PRPF6: variants seen among roughly 807,000 people sequenced by gnomAD.
PRPF6 encodes the protein pre-mRNA processing factor 6.
In PRPF6, 42 loss-of-function variants were observed where a neutral mutation model predicts 118.3. The ratio of observed to expected loss-of-function variants is 0.35; its 90% CI spans 0.28 to 0.46. The LOEUF (loss-of-function observed/expected upper bound fraction) is 0.46. PRPF6 is among the 20% of genes least tolerant of loss of function. The pLI is 1.00. For missense variants in PRPF6, 662 were observed against 1,255.7 expected (o/e 0.53, Z 7.15); for synonymous variants, 481 against 485.1 (o/e 0.99, Z 0.11).
At position 64,010,334 on chromosome 20, in the gene PRPF6, T is replaced by A. The variant is rs751358630; in HGVS notation, c.1305+16T>A. 6.2e-7 allele frequency: 1 copy of A among 1,604,486 alleles called. No individual in the cohort carries two copies. The highest frequency in any genetic ancestry group is 8.5e-7 in the Non-Finnish European group (1 of 1,173,822). On this transcript the variant is annotated intron_variant, in intron 10 of 20. Coordinates refer to ENST00000266079, the MANE Select transcript of PRPF6 (RefSeq NM_012469.4). ...CAGCGTGGAGGTGAGTCTGGCGGGCTCAGGGCCACCAGAGCCCAAAGTGGC... is the reference window on the plus strand; with the variant it reads ...CAGCGTGGAGGTGAGTCTGGCGGGCACAGGGCCACCAGAGCCCAAAGTGGC...
chr20:64,008,409 T>C lies in PRPF6; in HGVS notation c.1187-1791T>C, dbSNP rs144264947. Among the ~76,000 whole-genome samples, 1,015 of 152,032 alleles carry C rather than the reference T, an allele frequency of 6.7e-3. 9 individuals carry two copies. The highest frequency in any genetic ancestry group is 0.023 in the African/African-American group (953 of 41,472). On this transcript the variant is annotated intron_variant, in intron 9 of 20. Coordinates refer to ENST00000266079, the MANE Select transcript of PRPF6 (RefSeq NM_012469.4). ...AGGTAGATTTGGAGACTCATAAGAG[T>C]AAGCTTTGTGTTTTTTTTTTCTTTT...
rs570999321 is a variant in PRPF6, at chr20:64,006,940, G to T, written c.1187-3260G>T. ...GGTCAAGTGGACATCCAGATAATAA[G>T]GCCAGGGGTGTCAGTGCCAGTGTGC... On this transcript the variant is annotated intron_variant, in intron 9 of 20. Transcript: ENST00000266079. Among the ~76,000 whole-genome samples the T allele has an allele frequency of 2.2e-4, 33 of 152,324 alleles. 1 individual carries two copies. The Middle Eastern group carries it at 0.01, about 47-fold the overall frequency.
chr20:64,015,985 C>T (rs2059235688), intron 11 of PRPF6, among the ~76,000 whole-genome samples: 1 of 152,088 alleles, frequency 6.6e-6, no homozygotes, highest in Non-Finnish European at 1.5e-5. Flanking sequence ...TACCATTGAG[C>T]ATGGTGGTGC....
At chr20:64,015,206 G>C (rs979659906) in intron 11 of PRPF6, among the ~76,000 whole-genome samples, 2 of 152,234 alleles carry the variant, frequency 1.3e-5, no homozygotes, top group Non-Finnish European at 2.9e-5. Flanking sequence ...TGGTTCAAAA[G>C]CAGTTTGCAT....
rs184138593 is a variant in PRPF6, at chr20:64,026,377, G to A, written c.2028+319G>A. Among the ~76,000 whole-genome samples, 705 of 152,222 alleles carry A rather than the reference G, an allele frequency of 4.6e-3. 4 individuals are homozygous for A. The highest frequency in any genetic ancestry group is 0.016 in the African/African-American group (681 of 41,538). On this transcript the variant is annotated intron_variant, in intron 15 of 20. Transcript: ENST00000266079. The surrounding 1 kb of genome is among the most constrained non-coding windows in gnomAD (Gnocchi z 4.4). The stretch of plus-strand genomic sequence containing the variant: ...CAAAATTAGCCGGGCGTGGTGGTGC[G>A]TGCCTGTAATCCCAGCTGCTCGGGA...
At chr20:63,987,188 AAG>A (rs1491274824) in intron 3 of PRPF6, among the ~76,000 whole-genome samples, 4 of 137,246 alleles carry the variant, frequency 2.9e-5, no homozygotes, top group African/African-American at 1.0e-4. Flanking sequence ...AAAAAAAAAA[AAG>A]GGGGGGGGAG....
chr20:63,999,230 G>A (rs542539682), intron 7 of PRPF6, 91 bp downstream of exon 7: 18 of 1,033,314 alleles, frequency 1.7e-5, no homozygotes, highest in Admixed American at 3.7e-5. Flanking sequence ...CTGTCAAAAT[G>A]GGACATGGCG....
In PRPF6 at chr20:64,022,794, T is replaced by C. The variant is rs2059272323; in HGVS notation, c.1685T>C (p.Ile562Thr). The C allele has an allele frequency of 6.2e-7, 1 of 1,614,130 alleles. No homozygotes were observed. The highest frequency in any genetic ancestry group is 8.5e-7 in the Non-Finnish European group (1 of 1,180,026). ...AHNALECARAIYAYALQVFPS... is the reference protein window; with the variant it reads ...AHNALECARATYAYALQVFPS... ...AATGCCCTGGAGTGTGCACGAGCCATCTACGCCTACGCCCTGCAGGTGTTC... is the reference window on the plus strand; with the variant it reads ...AATGCCCTGGAGTGTGCACGAGCCACCTACGCCTACGCCCTGCAGGTGTTC... The change falls in exon 13 of 21, where the codon ATC (isoleucine) becomes ACC (threonine). Residue 562 changes from isoleucine to threonine, a missense_variant. Around this residue, in one of 10 missense-constraint regions of PRPF6, gnomAD observed 189 missense variants for 323.5 expected, o/e 0.58. Transcript: ENST00000266079.
At chr20:64,015,317 G>T (rs1490950798) in intron 11 of PRPF6, among the ~76,000 whole-genome samples, 1 of 152,226 alleles carries the variant, frequency 6.6e-6, no homozygotes, top group African/African-American at 2.4e-5. Context: ...GCCCCTGAGG[G>T]TCTGGGTGCT....
At chr20:64,020,266 A>G (rs1449118408) in intron 12 of PRPF6, among the ~76,000 whole-genome samples, 1 of 152,050 alleles carries the variant, frequency 6.6e-6, no homozygotes, top group Non-Finnish European at 1.5e-5. Flanking sequence ...AAATACAGAA[A>G]TTAGCTGGGT....
chr20:64,009,542 G>A (rs1601522938), intron 9 of PRPF6, among the ~76,000 whole-genome samples: 2 of 152,064 alleles, frequency 1.3e-5, no homozygotes, highest in African/African-American at 4.8e-5. Context: ...GGCCAATATG[G>A]TGAAACCCCG....
chr20:63,999,451 TGC>T (rs1398569016), intron 7 of PRPF6, 150 bp from the exon 8 acceptor site: 2 of 1,042,484 alleles, frequency 1.9e-6, no homozygotes, highest in Non-Finnish European at 2.9e-6. Context: ...CTTGGAATAG[TGC>T]GCACTGAGGT....
intron 1 of PRPF6, among the ~76,000 whole-genome samples, chr20:63,981,690 CCT>C (rs1415671434): frequency 1.6e-5 from 2 of 126,860 alleles, no homozygotes; most frequent in Non-Finnish European, 3.2e-5. Flanking sequence ...GTGCCTGGGT[CCT>C]CTATGCCTGC....
intron 3 of PRPF6, among the ~76,000 whole-genome samples, chr20:63,992,469 C>G (rs937933816): frequency 4.0e-5 from 6 of 151,734 alleles, no homozygotes; most frequent in African/African-American, 1.2e-4. Context: ...ACCACATTGG[C>G]CAGGCTTGAA....
At chr20:63,985,456 C>T (rs975366016) in intron 3 of PRPF6, among the ~76,000 whole-genome samples, 2 of 152,114 alleles carry the variant, frequency 1.3e-5, no homozygotes, top group African/African-American at 2.4e-5. Context: ...CTTGGTCTGT[C>T]GTAGCCATGC....
At chr20:64,021,255 G>A (rs2059261186) in intron 12 of PRPF6, among the ~76,000 whole-genome samples, 1 of 150,988 alleles carries the variant, frequency 6.6e-6, no homozygotes, top group Non-Finnish European at 1.5e-5. Flanking sequence ...GTGTGTGCGT[G>A]CACGTATGCC....
chr20:63,993,646 A>T (rs1438266911), intron 4 of PRPF6, among the ~76,000 whole-genome samples, 161 bp downstream of exon 4: 2 of 151,812 alleles, frequency 1.3e-5, no homozygotes, highest in African/African-American at 4.8e-5. Flanking sequence ...ATGTTTAATT[A>T]TATGTGTGTA....
In PRPF6 at chr20:63,981,151, G is replaced by C. The variant is rs2059063993; in HGVS notation, c.-95G>C. On this transcript the variant is annotated 5_prime_UTR_variant, in exon 1 of 21. Transcript: ENST00000266079. ...CGCGACGACGGCGACACTTTGCTACGGAGTGCATCGGACGTCGAAGCCTAG... is the reference window on the plus strand; with the variant it reads ...CGCGACGACGGCGACACTTTGCTACCGAGTGCATCGGACGTCGAAGCCTAG... 2 of 1,317,700 alleles carry C rather than the reference G, an allele frequency of 1.5e-6. No homozygotes were observed. Among genetic ancestry groups the C allele is most frequent in the Admixed American group, 3.9e-5 (2 of 50,646 alleles). The allele number at this position is 1,317,700 out of a possible 1,614,324, so 81.6% of individuals were successfully genotyped here.
rs536321400 is a variant in PRPF6, at chr20:64,029,814, A to G, written c.2546+323A>G. Among the ~76,000 whole-genome samples, 344 of 137,756 alleles carry G rather than the reference A, an allele frequency of 2.5e-3. 1 individual carries two copies. The highest frequency in any genetic ancestry group is 8.8e-3 in the African/African-American group (324 of 37,008). The allele number at this position is 137,756 out of a possible 152,430, so 90.4% of individuals were successfully genotyped here. A position where few individuals can be genotyped will look rare whatever the true frequency, so the allele number is the denominator to read the frequency against. On this transcript the variant is annotated intron_variant, in intron 19 of 20. Transcript: ENST00000266079. This position sits in a 1 kb window ranked among gnomAD's most constrained non-coding sequence, Gnocchi z 4.8. ...CAGGTCAGAGACTCACCGGGGACGC[A>G]TGTGATTCACACTGGTGCTCTGGTC...
Sources: gnomAD v4.1 joint callset for allele counts (sites outside exome capture counted in the v4.1 genomes callset) on GRCh38, gnomAD v4.1.1 for gene constraint, gnomAD v4.1.1 regional missense constraint, Gnocchi (gnomAD v3.1) non-coding constraint, MANE v1.5 for transcripts, NCBI Gene and HGNC (gene_info 2026-07-23, HGNC 2026-07-21) for gene names.